EPHA6: variants seen among roughly 807,000 people sequenced by gnomAD.
EPHA6 encodes EPH receptor A6.
Under a neutral mutation model 112.0 loss-of-function variants are expected in EPHA6, and 50 were observed. That is an observed-to-expected ratio of 0.45 (90% CI 0.36 to 0.56). EPHA6 has a LOEUF of 0.56. Among genes scored for constraint, EPHA6 ranks in the 20% least tolerant of loss-of-function variants. The probability of loss-of-function intolerance (pLI) is 0.00; values close to 1 mark genes in which losing one functional copy is unlikely to be tolerated. For missense variants in EPHA6, 1,280 were observed against 1,417.4 expected (o/e 0.90, Z 1.56); for synonymous variants, 529 against 490.7 (o/e 1.08, Z -1.03).
intron 4 of EPHA6, among the ~76,000 whole-genome samples, chr3:97,232,467 G>A (rs1310224300): frequency 6.6e-6 from 1 of 152,062 alleles, no homozygotes; most frequent in Non-Finnish European, 1.5e-5. Flanking sequence ...AAACAATAAT[G>A]ATAATAATAT....
intron 2 of EPHA6, among the ~76,000 whole-genome samples, chr3:96,970,213 C>T (rs141818628): frequency 1.3e-5 from 2 of 150,760 alleles, no homozygotes; most frequent in South Asian, 2.1e-4. Context: ...GTCTAAATAC[C>T]GTTTTCCTCT....
intron 2 of EPHA6, among the ~76,000 whole-genome samples, chr3:96,888,448 C>T (rs1388056092): frequency 6.6e-6 from 1 of 152,158 alleles, no homozygotes; most frequent in Non-Finnish European, 1.5e-5. Context: ...CAGTCTGCTT[C>T]CCTCAGAGGG....
At chr3:96,881,486 C>T (rs553172317) in intron 2 of EPHA6, among the ~76,000 whole-genome samples, 9 of 152,236 alleles carry the variant, frequency 5.9e-5, no homozygotes, top group Admixed American at 1.3e-4. Context: ...AAACTGACTC[C>T]GTGATTCAGT....
At chr3:96,897,849 A>G (rs905992516) in intron 2 of EPHA6, among the ~76,000 whole-genome samples, 1 of 152,202 alleles carries the variant, frequency 6.6e-6, no homozygotes, top group Admixed American at 6.5e-5. Flanking sequence ...GCCTATCAGA[A>G]TATATGAATT....
At chr3:97,093,711 C>G (rs2047146755) in intron 3 of EPHA6, among the ~76,000 whole-genome samples, 1 of 152,026 alleles carries the variant, frequency 6.6e-6, no homozygotes. Context: ...GTGATCCATG[C>G]TCTGTATAAG....
intron 3 of EPHA6, among the ~76,000 whole-genome samples, chr3:97,038,931 A>C (rs1262181280): frequency 6.6e-6 from 1 of 152,016 alleles, no homozygotes; most frequent in Non-Finnish European, 1.5e-5. Context: ...TCTTCTTCAA[A>C]TTTGACTCTC....
At chr3:97,740,153 C>A (rs1028473942) in intron 16 of EPHA6, among the ~76,000 whole-genome samples, 1 of 152,118 alleles carries the variant, frequency 6.6e-6, no homozygotes, top group South Asian at 2.1e-4. Context: ...CTACCTCCCC[C>A]ACCCTCACCC....
intron 5 of EPHA6, among the ~76,000 whole-genome samples, chr3:97,295,520 A>T (rs1364109157): frequency 6.8e-6 from 1 of 148,026 alleles, no homozygotes; most frequent in East Asian, 2.0e-4. Flanking sequence ...TTTTTCTTGT[A>T]TGTCACTGAG....
chr3:97,646,460 G>A (rs2094064501), intron 14 of EPHA6: 3 of 626,384 alleles, frequency 4.8e-6, no homozygotes, highest in South Asian at 3.5e-5. Context: ...TTCAACTTGA[G>A]TGTTTTGCAT....
chr3:96,985,443 T>C (rs1276982289), intron 2 of EPHA6, among the ~76,000 whole-genome samples: 1 of 152,160 alleles, frequency 6.6e-6, no homozygotes, highest in Non-Finnish European at 1.5e-5. Context: ...TTCACAGTTA[T>C]ATTTAGAATG....
At chr3:97,425,605 C>A (rs536893315) in intron 6 of EPHA6, among the ~76,000 whole-genome samples, 4 of 152,160 alleles carry the variant, frequency 2.6e-5, no homozygotes, top group Non-Finnish European at 5.9e-5. Context: ...GAGGGACTGC[C>A]GGGAAGATCT....
At chr3:97,688,474 C>T (rs534488451) in intron 14 of EPHA6, among the ~76,000 whole-genome samples, 45 of 150,042 alleles carry the variant, frequency 3.0e-4, no homozygotes, top group African/African-American at 9.6e-4. Flanking sequence ...AGCAAACTAT[C>T]GCAGAAAACC....
chr3:97,035,656 C>A (rs2108034284), intron 3 of EPHA6, among the ~76,000 whole-genome samples: 1 of 151,830 alleles, frequency 6.6e-6, no homozygotes, highest in East Asian at 1.9e-4. Context: ...TTTATATTTT[C>A]AACTTCTTAC....
chr3:96,961,859 A>G (rs561771836), intron 2 of EPHA6, among the ~76,000 whole-genome samples: 1 of 152,276 alleles, frequency 6.6e-6, no homozygotes, highest in African/African-American at 2.4e-5. Context: ...TTGAGATAGG[A>G]ATTTTAAGTG....
At chr3:97,565,557 G>A (rs1577797548) in intron 11 of EPHA6, among the ~76,000 whole-genome samples, 2 of 152,230 alleles carry the variant, frequency 1.3e-5, no homozygotes, top group Middle Eastern at 3.4e-3. Flanking sequence ...TTTCTCAAAT[G>A]TATTAACATT....
chr3:97,156,593 A>C (rs1356988262), intron 3 of EPHA6, among the ~76,000 whole-genome samples: 1 of 152,166 alleles, frequency 6.6e-6, no homozygotes, highest in Non-Finnish European at 1.5e-5. Context: ...CTGAAACTAC[A>C]TTTATGCAGT....
intron 11 of EPHA6, among the ~76,000 whole-genome samples, chr3:97,553,371 T>A (rs2093056041): frequency 1.3e-5 from 2 of 152,190 alleles, no homozygotes; most frequent in East Asian, 3.9e-4. Context: ...AAATCTAAAG[T>A]AGCCCTCCCC....
chr3:97,284,864 A>T (rs1042663864), intron 5 of EPHA6, among the ~76,000 whole-genome samples: 1 of 152,202 alleles, frequency 6.6e-6, no homozygotes. Flanking sequence ...ATCTATCAGA[A>T]TAGTAAATTA....
intron 3 of EPHA6, among the ~76,000 whole-genome samples, chr3:97,205,417 G>T (rs28470650): frequency 0.25 from 37,429 of 151,684 alleles, 12,029 homozygotes; most frequent in African/African-American, 0.73. Context: ...TTTTAAATTC[G>T]ATTTTTTGGG....
Sources: gnomAD v4.1 joint callset for allele counts (sites outside exome capture counted in the v4.1 genomes callset) on GRCh38, gnomAD v4.1.1 for gene constraint, MANE v1.5 for transcripts, NCBI Gene and HGNC (gene_info 2026-07-23, HGNC 2026-07-21) for gene names.